SYN3: variants seen among roughly 807,000 people sequenced by gnomAD.
The protein encoded by SYN3 is synapsin III, also known as synapsin-3.
Under a neutral mutation model 65.8 loss-of-function variants are expected in SYN3, and 35 were observed. The ratio of observed to expected loss-of-function variants is 0.53; its 90% CI spans 0.41 to 0.70. The LOEUF is 0.70. SYN3 is among the 30% of genes least tolerant of loss of function. The probability of loss-of-function intolerance (pLI) is 0.00; values close to 1 mark genes in which losing one functional copy is unlikely to be tolerated. For synonymous variants in SYN3, 270 were observed against 292.9 expected, an observed-to-expected ratio of 0.92 and a Z score of 0.80; for missense variants, 680 against 749.0, an observed-to-expected ratio of 0.91 and a Z score of 1.08.
At chr22:33,013,098 G>A (rs962780333) in intron 1 of SYN3, among the ~76,000 whole-genome samples, 3 of 152,122 alleles carry the variant, frequency 2.0e-5, no homozygotes, top group Non-Finnish European at 4.4e-5. Context: ...AGGGATCTTA[G>A]AGTTTATTTA....
intron 6 of SYN3, among the ~76,000 whole-genome samples, chr22:32,623,632 G>A (rs1390846374): frequency 6.6e-6 from 1 of 152,198 alleles, no homozygotes; most frequent in Non-Finnish European, 1.5e-5. Context: ...GAATCCAGAC[G>A]TGCCACTTCC....
intron 6 of SYN3, among the ~76,000 whole-genome samples, chr22:32,821,231 T>G (rs2047238610): frequency 6.6e-6 from 1 of 152,182 alleles, no homozygotes; most frequent in Non-Finnish European, 1.5e-5. Flanking sequence ...AGCCTTGGTT[T>G]TCCCAATTGC....
chr22:32,668,171 G>A (rs1277022117), intron 6 of SYN3, among the ~76,000 whole-genome samples: 2 of 152,226 alleles, frequency 1.3e-5, no homozygotes, highest in African/African-American at 2.4e-5. Flanking sequence ...TGATATAAAT[G>A]TTTGAAAAAT....
intron 6 of SYN3, among the ~76,000 whole-genome samples, chr22:32,679,997 C>T (rs2147108168): frequency 6.6e-6 from 1 of 152,092 alleles, no homozygotes; most frequent in South Asian, 2.1e-4. Context: ...GTTTCTCCCA[C>T]TAGAATATAA....
chr22:32,838,721 AC>A (rs1247480846), intron 6 of SYN3, among the ~76,000 whole-genome samples: 2 of 151,842 alleles, frequency 1.3e-5, no homozygotes, highest in Admixed American at 1.3e-4. Context: ...AGGACTCCTG[AC>A]CCAGCACTCC....
chr22:32,545,297 C>T (rs1042307305), intron 7 of SYN3, among the ~76,000 whole-genome samples: 1 of 152,196 alleles, frequency 6.6e-6, no homozygotes, highest in Non-Finnish European at 1.5e-5. Flanking sequence ...TTGTTTATGC[C>T]TTTGTAAGTC....
chr22:33,006,469 C>T lies in SYN3; in HGVS notation c.194G>A (p.Ser65Asn), dbSNP rs1365662393. 2 of 1,614,058 alleles carry T rather than the reference C, an allele frequency of 1.2e-6. No homozygotes were observed. The highest frequency in any genetic ancestry group is 2.7e-5 in the African/African-American group (2 of 74,936). ...GGCCTGAGGGGCCTGCTTCATGGCA[C>T]TGGAGAGGGAGCTAAAAAGGCTGGA... Reference protein sequence around the residue: ...PGSSLFSSLSSAMKQAPQATS... With the variant: ...PGSSLFSSLSNAMKQAPQATS... The change falls in exon 2 of 14, where the codon AGT (serine) becomes AAT (asparagine). Residue 65 changes from serine to asparagine, a missense_variant. Coordinates refer to ENST00000358763, the MANE Select transcript of SYN3 (RefSeq NM_003490.4).
chr22:32,657,176 T>C (rs2060153128), intron 6 of SYN3, among the ~76,000 whole-genome samples: 2 of 149,794 alleles, frequency 1.3e-5, no homozygotes, highest in Non-Finnish European at 3.0e-5. Context: ...CAGGCTGGAG[T>C]GCAGTGGCGC....
chr22:32,804,594 C>CG (rs919025472), intron 6 of SYN3, among the ~76,000 whole-genome samples: 1 of 152,280 alleles, frequency 6.6e-6, no homozygotes, highest in African/African-American at 2.4e-5. Flanking sequence ...TGGTCCTCTC[C>CG]GGGGGGCTGC....
At chr22:32,776,921 G>A (rs1462563867) in intron 6 of SYN3, among the ~76,000 whole-genome samples, 1 of 152,142 alleles carries the variant, frequency 6.6e-6, no homozygotes, top group Admixed American at 6.5e-5. Context: ...ACACAGGAAA[G>A]TTTCTAAGCC....
chr22:32,611,037 C>T (rs545692364), intron 6 of SYN3, among the ~76,000 whole-genome samples: 1 of 152,258 alleles, frequency 6.6e-6, no homozygotes, highest in East Asian at 1.9e-4. Flanking sequence ...ACCATGAAGA[C>T]AAATGAATGT....
chr22:32,928,756 T>A (rs2050546595), intron 4 of SYN3, among the ~76,000 whole-genome samples: 1 of 152,230 alleles, frequency 6.6e-6, no homozygotes, highest in Non-Finnish European at 1.5e-5. Context: ...TGCTCTATTC[T>A]CTTTTACCTC....
intron 3 of SYN3, among the ~76,000 whole-genome samples, chr22:32,944,256 C>T (rs932213431): frequency 2.6e-5 from 4 of 152,136 alleles, no homozygotes; most frequent in African/African-American, 9.7e-5. Context: ...TCTCTCAGAC[C>T]ACAGTGCAAT....
At chr22:32,711,147 G>T (rs943869249) in intron 6 of SYN3, among the ~76,000 whole-genome samples, 1 of 152,106 alleles carries the variant, frequency 6.6e-6, no homozygotes, top group African/African-American at 2.4e-5. Context: ...GAAACTCCTG[G>T]GCAAACTGGA....
At chr22:32,800,717 A>T (rs1443609612) in intron 6 of SYN3, among the ~76,000 whole-genome samples, 1 of 152,200 alleles carries the variant, frequency 6.6e-6, no homozygotes, top group East Asian at 1.9e-4. Flanking sequence ...TCTGTCAGCC[A>T]TGGGCAGGGA....
chr22:32,719,491 G>T (rs894647789), intron 6 of SYN3, among the ~76,000 whole-genome samples: 4 of 152,192 alleles, frequency 2.6e-5, no homozygotes, highest in African/African-American at 4.8e-5. Context: ...TGGCTGTTCT[G>T]TTCACCGTTG....
rs946235023 is a variant in SYN3 at position 32,661,557 on chromosome 22, T to C, written c.712-64821A>G. ...CTTTTTTGCCCTCCCCTTGGCGGCA[T>C]TGTGCAACAGCAGGGCTGCCCAGAA... On this transcript the variant is annotated intron_variant, in intron 6 of 13. Transcript: ENST00000358763. 1.2e-4 allele frequency among the ~76,000 whole-genome samples: 19 copies of C among 152,324 alleles called. No homozygotes were observed. In the South Asian group the frequency reaches 2.1e-3, roughly 17 times the overall value.
intron 6 of SYN3, among the ~76,000 whole-genome samples, chr22:32,723,061 C>G (rs1264141492): frequency 6.6e-6 from 1 of 152,102 alleles, no homozygotes; most frequent in African/African-American, 2.4e-5. Flanking sequence ...AGTGACTTTC[C>G]CAAGGTCACG....
intron 2 of SYN3, among the ~76,000 whole-genome samples, chr22:32,997,513 C>T (rs976616191): frequency 1.5e-4 from 23 of 152,162 alleles, no homozygotes; most frequent in African/African-American, 5.6e-4. Context: ...TCTCCTTGAG[C>T]AGGTGCATGG....
Sources: gnomAD v4.1 joint callset for allele counts (sites outside exome capture counted in the v4.1 genomes callset) on GRCh38, gnomAD v4.1.1 for gene constraint, MANE v1.5 for transcripts, NCBI Gene and HGNC (gene_info 2026-07-23, HGNC 2026-07-21) for gene names.